The following HIKESHI variants were observed in gnomAD, a reference collection of about 807,000 sequenced individuals.
The protein encoded by HIKESHI is heat shock protein nuclear import factor hikeshi.
A neutral mutation model predicts 25.7 loss-of-function variants in HIKESHI; 13 were observed. The observed-to-expected ratio is 0.51, with a 90% CI of 0.33 to 0.80. HIKESHI has a LOEUF of 0.80. Ranked by LOEUF, HIKESHI falls within the 30% of genes least tolerant of loss-of-function variation. The pLI is 0.02. For synonymous variants in HIKESHI, 76 were observed against 78.7 expected (o/e 0.97, Z 0.18); for missense variants, 174 against 229.5 (o/e 0.76, Z 1.56).
intron 3 of HIKESHI, 97 bp downstream of exon 3, chr11:86,337,627 A>G (rs1483868371): frequency 8.3e-7 from 1 of 1,209,938 alleles, no homozygotes; most frequent in African/African-American, 1.6e-5. Flanking sequence ...ATACAATGTG[A>G]TGTTTTTGAT....
intron 1 of HIKESHI, chr11:86,303,433 G>A: frequency 1.0e-6 from 1 of 981,036 alleles, no homozygotes. Flanking sequence ...GGAGACCCCT[G>A]TGGTGATGGT....
intron 2 of HIKESHI, among the ~76,000 whole-genome samples, chr11:86,311,936 A>C (rs966083850): frequency 5.9e-5 from 9 of 152,124 alleles, no homozygotes; most frequent in Admixed American, 4.6e-4. Flanking sequence ...AGTTTGTTAT[A>C]ATTTTTTTTC....
At chr11:86,326,538 C>T in intron 2 of HIKESHI, 1 of 456,132 alleles carries the variant, frequency 2.2e-6, no homozygotes, top group South Asian at 1.5e-5. Flanking sequence ...CTACTTGCTG[C>T]CTACTTTCAA....
intron 3 of HIKESHI, among the ~76,000 whole-genome samples, chr11:86,338,399 G>A (rs1375566503): frequency 7.0e-6 from 1 of 142,822 alleles, no homozygotes; most frequent in Non-Finnish European, 1.5e-5. Context: ...ATATGGAGGT[G>A]TTCACTTTAG....
At chr11:86,320,829 A>T (rs538790030) in intron 2 of HIKESHI, among the ~76,000 whole-genome samples, 3 of 152,172 alleles carry the variant, frequency 2.0e-5, no homozygotes, top group African/African-American at 7.2e-5. Flanking sequence ...TTTTATATAG[A>T]TGAAGTCATA....
At chr11:86,323,653 G>A (rs1947204160) in intron 2 of HIKESHI, among the ~76,000 whole-genome samples, 1 of 152,208 alleles carries the variant, frequency 6.6e-6, no homozygotes, top group African/African-American at 2.4e-5. Context: ...GATGCTTAGG[G>A]AACAGTGAAA....
At chr11:86,308,573 T>TTATTTATTTATTTATTTATG (rs1946746420) in intron 2 of HIKESHI, among the ~76,000 whole-genome samples, 1 of 150,658 alleles carries the variant, frequency 6.6e-6, no homozygotes, top group Non-Finnish European at 1.5e-5. Context: ...ATTTATTTAT[T>TTATTTATTTATTTATTTATG]TATTTATCTA....
intron 1 of HIKESHI, 43 bp from the exon 2 acceptor site, chr11:86,306,202 A>C (rs1470413908): frequency 7.7e-7 from 1 of 1,304,256 alleles, no homozygotes. Flanking sequence ...AGTTACAGAA[A>C]CTCATAGAAC....
chr11:86,331,522 A>C (rs1947424988), intron 2 of HIKESHI, among the ~76,000 whole-genome samples: 1 of 152,126 alleles, frequency 6.6e-6, no homozygotes, highest in Non-Finnish European at 1.5e-5. Flanking sequence ...TAATGAAACC[A>C]GTTCAGAATG....
chr11:86,336,850 G>T (rs1478004983), intron 2 of HIKESHI, among the ~76,000 whole-genome samples: 1 of 151,900 alleles, frequency 6.6e-6, no homozygotes, highest in Admixed American at 6.6e-5. Context: ...TCACATGCAA[G>T]GATCCTTGCT....
chr11:86,328,549 A>G (rs1313374928), intron 2 of HIKESHI, among the ~76,000 whole-genome samples: 7 of 151,766 alleles, frequency 4.6e-5, no homozygotes, highest in Admixed American at 6.6e-5. Flanking sequence ...GGTTCAAGCA[A>G]TTCTCTGCCT....
Position 86,302,323 on chromosome 11 carries a change from T to G in HIKESHI, c.-126T>G. 3.5e-6 allele frequency: 4 copies of G among 1,137,500 alleles called. No individual in the cohort carries two copies. Among genetic ancestry groups the G allele is most frequent in the Non-Finnish European group, 5.1e-6 (4 of 781,574 alleles). The allele number at this position is 1,137,500 out of a possible 1,614,324, so 70.5% of individuals were successfully genotyped here. A position where few individuals can be genotyped will look rare whatever the true frequency, so the allele number is the denominator to read the frequency against. On this transcript the variant is annotated 5_prime_UTR_variant, in exon 1 of 5. The change abolishes an upstream ATG in the 5' untranslated region. Transcript: ENST00000278483. ...ATTCTTGCCGCTGGCCCAGTCACTA[T>G]GTAGTGGAGGGGCAGACACCCTCCC... is the stretch of plus-strand genomic sequence containing the variant.
rs192406863 is a variant in HIKESHI at position 86,335,340 on chromosome 11, G to A, written c.269-2039G>A. Among the ~76,000 whole-genome samples, 275 of 152,276 alleles carry A rather than the reference G, an allele frequency of 1.8e-3. 1 individual carries two copies. Among genetic ancestry groups the A allele is most frequent in the African/African-American group, 6.5e-3 (270 of 41,552 alleles). On this transcript the variant is annotated intron_variant, in intron 2 of 4. Coordinates refer to ENST00000278483, the MANE Select transcript of HIKESHI (RefSeq NM_016401.4). ...TTAGCTACTGTTGCCCGAGGCAAAG[G>A]AAAACAGTTGGAGTAAACCAAAACT...
intron 2 of HIKESHI, among the ~76,000 whole-genome samples, chr11:86,312,755 G>C (rs1447854822): frequency 1.3e-5 from 2 of 152,100 alleles, no homozygotes; most frequent in Admixed American, 1.3e-4. Flanking sequence ...CAGGCCTGGT[G>C]GTGACAAAAT....
rs1289653895 is a variant in HIKESHI, at chr11:86,344,731, AT to A, written c.539+14del. Reference sequence around the variant, plus strand: ...ATGTGGTTCTGAAATGGTATGAGGCATTTTCTGTCTCCAATATTAAGGCTTT... The same window carrying A: ...ATGTGGTTCTGAAATGGTATGAGGCATTTCTGTCTCCAATATTAAGGCTTT... On this transcript the variant is annotated intron_variant, in intron 4 of 4. Transcript: ENST00000278483. 6.5e-7 allele frequency: 1 copy of A among 1,528,492 alleles called. No homozygotes were observed. Among genetic ancestry groups the A allele is most frequent in the Admixed American group, 1.7e-5 (1 of 59,520 alleles). The allele number at this position is 1,528,492 out of a possible 1,614,324, so 94.7% of individuals were successfully genotyped here. A position where few individuals can be genotyped will look rare whatever the true frequency, so the allele number is the denominator to read the frequency against.
At chr11:86,303,482 C>A in intron 1 of HIKESHI, 1 of 811,236 alleles carries the variant, frequency 1.2e-6, no homozygotes, top group Non-Finnish European at 1.5e-6. Flanking sequence ...TTGCCCTGCT[C>A]TTAATAGGGA....
At chr11:86,316,719 C>T (rs1259428971) in intron 2 of HIKESHI, among the ~76,000 whole-genome samples, 1 of 141,770 alleles carries the variant, frequency 7.1e-6, no homozygotes, top group Non-Finnish European at 1.5e-5. Context: ...TATTTAAAGG[C>T]AGCAAACAAA....
intron 2 of HIKESHI, among the ~76,000 whole-genome samples, chr11:86,324,504 G>T (rs775195984): frequency 6.6e-6 from 1 of 152,102 alleles, no homozygotes; most frequent in African/African-American, 2.4e-5. Context: ...ATGATAAAAT[G>T]CTATTAAAAT....
intron 3 of HIKESHI, among the ~76,000 whole-genome samples, chr11:86,342,478 CGTGTGTGTGTGT>C (rs34980731): frequency 0.074 from 10,945 of 147,360 alleles, 549 homozygotes; most frequent in African/African-American, 0.13. Context: ...TAAAGATGTT[CGTGTGTGTGTGT>C]GTGTGTGTGT....
Sources: allele counts gnomAD v4.1 joint callset (sites outside exome capture counted in the v4.1 genomes callset), GRCh38; gene constraint gnomAD v4.1.1; transcripts MANE v1.5; gene names NCBI Gene and HGNC (gene_info 2026-07-23, HGNC 2026-07-21).